Variants in SDK2 observed in about 807,000 individuals in gnomAD.
SDK2 encodes the protein protein sidekick-2.
In SDK2, 105 loss-of-function variants were observed where a neutral mutation model predicts 253.9. The ratio of observed to expected loss-of-function variants is 0.41; its 90% CI spans 0.35 to 0.49. SDK2 has a LOEUF of 0.49. SDK2 is among the 20% of genes least tolerant of loss of function. The pLI, the probability that SDK2 is intolerant of heterozygous loss-of-function variation, is 0.06. For synonymous variants in SDK2, 1,249 were observed against 1,234.9 expected, an observed-to-expected ratio of 1.01 and a Z score of -0.24; for missense variants, 2,608 against 3,003.0, an observed-to-expected ratio of 0.87 and a Z score of 3.07.
rs773696059 is a variant in SDK2, at chr17:73,374,319, C to T, written c.4980+4858G>A. Among the ~76,000 whole-genome samples, 2 of 143,780 alleles carry T rather than the reference C, an allele frequency of 1.4e-5. 1 individual carries two copies. The highest frequency in any genetic ancestry group is 5.5e-5 in the African/African-American group (2 of 36,158). The allele number at this position is 143,780 out of a possible 152,430, so 94.3% of individuals were successfully genotyped here. ...TGTCTCCCCTCGAATGTCCAACAGA[C>T]GTCTCAAACCAAACACATCTGGAAC... On this transcript the variant is annotated intron_variant, in intron 36 of 44. Transcript: ENST00000392650.
At chr17:73,418,035 A>G (rs1297797096) in intron 16 of SDK2, among the ~76,000 whole-genome samples, 1 of 32,208 alleles carries the variant, frequency 3.1e-5, no homozygotes, top group Non-Finnish European at 8.8e-5. Context: ...TTTTGTTTTT[A>G]GATGGAGTCT....
Position 73,379,526 on chromosome 17 carries a change from C to A in SDK2, c.4786G>T (p.Glu1596Ter), listed in dbSNP as rs762971606. ...GCGTTGTACACGCTCATCCGTATCT[C>A]GTACCGCCTGTGCTTGTTCAGGTCT... ...LDNLNKHRRYEIRMSVYNAVG... is the reference protein window; with the variant it reads ...LDNLNKHRRY Residue 1596 changes from glutamate to a stop codon, truncating the protein, a stop_gained, in exon 35 of 45, where the codon GAG (glutamate) becomes TAG (stop). Transcript: ENST00000392650. LOFTEE classifies it high-confidence loss of function. The surrounding 1 kb of genome is among the most constrained non-coding windows in gnomAD (Gnocchi z 4.5). The A allele has an allele frequency of 6.2e-7, 1 of 1,612,288 alleles. No individual in the cohort carries two copies. Among genetic ancestry groups the A allele is most frequent in the Non-Finnish European group, 8.5e-7 (1 of 1,179,088 alleles).
At chr17:73,485,926 T>C (rs2063766890) in intron 2 of SDK2, among the ~76,000 whole-genome samples, 1 of 152,176 alleles carries the variant, frequency 6.6e-6, no homozygotes, top group Admixed American at 6.5e-5. Context: ...TGTACGAAGG[T>C]CACTCTGACT....
intron 1 of SDK2, among the ~76,000 whole-genome samples, chr17:73,524,822 A>G (rs928664519): frequency 8.5e-5 from 13 of 152,228 alleles, no homozygotes; most frequent in African/African-American, 2.9e-4. Flanking sequence ...TCCTTCCACT[A>G]CAATGCATGA....
Position 73,618,839 on chromosome 17 carries a change from TAAC to T in SDK2, c.64+25183_64+25185del, listed in dbSNP as rs2046092211. On this transcript the variant is annotated intron_variant, in intron 1 of 44. Transcript: ENST00000392650. This position sits in a 1 kb window ranked among gnomAD's most constrained non-coding sequence, Gnocchi z 4.1. ...CCTACCAGAGCACAAAACCCACAGC[TAAC>T]AACTATGAACCCTGGACAGAACACC... Among the ~76,000 whole-genome samples the T allele has an allele frequency of 6.6e-6, 1 of 152,168 alleles. No homozygotes were observed. The highest frequency in any genetic ancestry group is 2.1e-4 in the South Asian group (1 of 4,820).
At chr17:73,495,619 C>CATGT (rs111985673) in intron 2 of SDK2, among the ~76,000 whole-genome samples, 2 of 148,534 alleles carry the variant, frequency 1.3e-5, no homozygotes, top group African/African-American at 4.9e-5. Context: ...AGGCCTGCCC[C>CATGT]GTGTGTGTGT....
chr17:73,369,549 G>C (rs1765588344), intron 36 of SDK2, among the ~76,000 whole-genome samples: 2 of 152,370 alleles, frequency 1.3e-5, no homozygotes, highest in South Asian at 4.1e-4. Context: ...TCCGTGTGAG[G>C]GGTGCAGGTT....
At chr17:73,438,369 C>T (rs1435543849) in intron 6 of SDK2, among the ~76,000 whole-genome samples, 1 of 152,178 alleles carries the variant, frequency 6.6e-6, no homozygotes, top group Admixed American at 6.5e-5. Context: ...CTGTGCCCGC[C>T]CAGGGGGTTG....
chr17:73,592,233 C>A (rs2045693010), intron 1 of SDK2, among the ~76,000 whole-genome samples: 1 of 152,226 alleles, frequency 6.6e-6, no homozygotes, highest in Admixed American at 6.5e-5. Context: ...GTGGGCCTGG[C>A]ACTGTACACT....
At chr17:73,546,310 C>T (rs559237145) in intron 1 of SDK2, among the ~76,000 whole-genome samples, 6 of 152,346 alleles carry the variant, frequency 3.9e-5, no homozygotes, top group South Asian at 4.1e-4. Context: ...ACATGGCTCC[C>T]GGGACTTGAC....
intron 1 of SDK2, among the ~76,000 whole-genome samples, chr17:73,554,827 G>C (rs561808786): frequency 1.3e-5 from 2 of 152,344 alleles, no homozygotes; most frequent in South Asian, 4.1e-4. Context: ...CCTTTGTAGA[G>C]TATTGATTTA....
intron 12 of SDK2, among the ~76,000 whole-genome samples, chr17:73,424,744 T>A (rs1568397931): frequency 6.6e-6 from 1 of 152,060 alleles, no homozygotes; most frequent in Non-Finnish European, 1.5e-5. Flanking sequence ...CCAGGCGAGG[T>A]TGGCCTTGGT....
chr17:73,387,708 T>C, intron 30 of SDK2, 128 bp downstream of exon 30: 1 of 786,598 alleles, frequency 1.3e-6, no homozygotes, highest in Non-Finnish European at 2.0e-6. Flanking sequence ...GCCTGGGTGG[T>C]GCATGTAGGA....
chr17:73,507,473 G>C lies in SDK2; in HGVS notation c.189C>G (p.Asn63Lys). ...GGGAGAACTTGGTCAGCTCCCTGTT[G>C]TTGTGGAGCCACTTGAACTCCAGTG... The part of the protein sequence containing the change: ...SWPLEFKWLH[N>K]NRELTKFSLE... The change falls in exon 2 of 45, where the codon AAC becomes AAG. Residue 63 changes from asparagine (N) to lysine (K), a missense_variant. Physicochemically the swap from Asn to Lys is moderately conservative, Grantham distance 94. Around this residue, in one of 2 missense-constraint regions of SDK2, gnomAD observed 1,505 missense variants for 1,859.1 expected, o/e 0.81. Coordinates refer to ENST00000392650, the MANE Select transcript of SDK2 (RefSeq NM_001144952.2). The C allele has an allele frequency of 6.4e-7, 1 of 1,551,658 alleles. No homozygotes were observed. The highest frequency in any genetic ancestry group is 2.4e-5 in the East Asian group (1 of 40,916).
At chr17:73,381,099 T>C in intron 33 of SDK2, 149 bp from the exon 34 acceptor site, 2 of 633,542 alleles carry the variant, frequency 3.2e-6, no homozygotes, top group South Asian at 1.9e-5. Flanking sequence ...AAATTTCCAA[T>C]GCTGAGTTAC....
chr17:73,391,324 G>C (rs1333965471), intron 28 of SDK2, 116 bp downstream of exon 28: 4 of 451,562 alleles, frequency 8.9e-6, no homozygotes, highest in African/African-American at 2.0e-5. Context: ...TTCTAGAGGG[G>C]ATGTGGAGGC....
intron 21 of SDK2, among the ~76,000 whole-genome samples, chr17:73,399,878 G>C (rs1440236716): frequency 1.3e-5 from 2 of 152,168 alleles, no homozygotes; most frequent in Non-Finnish European, 2.9e-5. Context: ...GTGTGTCTTT[G>C]CACAAGTTAT....
intron 1 of SDK2, among the ~76,000 whole-genome samples, chr17:73,508,618 T>C (rs1212266426): frequency 6.6e-6 from 1 of 152,160 alleles, no homozygotes; most frequent in African/African-American, 2.4e-5. Context: ...TACCATATGC[T>C]CGTCTAATCT....
Position 73,437,798 on chromosome 17 carries a change from G to A in SDK2, c.941C>T (p.Pro314Leu). The A allele has an allele frequency of 2.5e-6, 4 of 1,614,002 alleles. No individual in the cohort carries two copies. The highest frequency in any genetic ancestry group is 2.5e-6 in the Non-Finnish European group (3 of 1,179,884). Residue 314 changes from proline (P) to leucine (L), a missense_variant, in exon 8 of 45, where the codon CCA becomes CTA. This residue lies in a region of SDK2 where 1,505 missense variants were observed against 1,859.1 expected (regional missense o/e 0.81). Coordinates refer to ENST00000392650, the MANE Select transcript of SDK2 (RefSeq NM_001144952.2). ...CATCTCCGCAGTGATGTGTCTTTCT[G>A]GCTCCTTGACAAACTGAGGCGGTTC... is the stretch of plus-strand genomic sequence containing the variant. ...VLEPPQFVKE[P>L]ERHITAEMEK...
Sources: allele counts gnomAD v4.1 joint callset (sites outside exome capture counted in the v4.1 genomes callset), GRCh38; gene constraint gnomAD v4.1.1; regional missense constraint gnomAD v4.1.1; non-coding constraint Gnocchi (gnomAD v3.1); transcripts MANE v1.5; gene names NCBI Gene and HGNC (gene_info 2026-07-23, HGNC 2026-07-21).